ADAMTS9: variants seen among roughly 807,000 people sequenced by gnomAD.
ADAMTS9 encodes the protein A disintegrin and metalloproteinase with thrombospondin motifs 9.
Under a neutral mutation model 257.1 loss-of-function variants are expected in ADAMTS9, and 107 were observed. The ratio of observed to expected loss-of-function variants is 0.42; its 90% CI spans 0.36 to 0.49. The LOEUF (loss-of-function observed/expected upper bound fraction) is 0.49. Ranked by LOEUF, ADAMTS9 falls within the 20% of genes least tolerant of loss-of-function variation. The pLI is 0.03. For synonymous variants in ADAMTS9, 982 were observed against 880.9 expected (o/e 1.11, Z -2.03); for missense variants, 2,353 against 2,469.1 (o/e 0.95, Z 1.00).
At chr3:64,671,190 A>G (rs1332519437) in intron 3 of ADAMTS9, among the ~76,000 whole-genome samples, 1 of 152,218 alleles carries the variant, frequency 6.6e-6, no homozygotes, top group African/African-American at 2.4e-5. Flanking sequence ...AATACAGCTC[A>G]CCAATAAAAA....
intron 3 of ADAMTS9, among the ~76,000 whole-genome samples, chr3:64,674,137 T>C (rs1010816206): frequency 6.6e-6 from 1 of 152,046 alleles, no homozygotes; most frequent in African/African-American, 2.4e-5. Context: ...ATAAGTACCA[T>C]TCAGTAGATC....
Position 64,541,318 on chromosome 3 carries a change from A to C in ADAMTS9, c.5387+2T>G. ...GAGATCTTCTGAGCCTGGCTCTCCTACCTGTGCCCATAAACCTCGGAGAAA... is the reference window on the plus strand; with the variant it reads ...GAGATCTTCTGAGCCTGGCTCTCCTCCCTGTGCCCATAAACCTCGGAGAAA... On this transcript the variant is annotated splice_donor_variant, in intron 35 of 39. Coordinates refer to ENST00000498707, the MANE Select transcript of ADAMTS9 (RefSeq NM_182920.2). LOFTEE classifies it high-confidence loss of function. The C allele has an allele frequency of 6.2e-7, 1 of 1,614,106 alleles. No individual in the cohort carries two copies. The highest frequency in any genetic ancestry group is 8.5e-7 in the Non-Finnish European group (1 of 1,179,994).
At chr3:64,544,593 T>C (rs1489561826) in intron 32 of ADAMTS9, among the ~76,000 whole-genome samples, 5 of 152,156 alleles carry the variant, frequency 3.3e-5, no homozygotes, top group Non-Finnish European at 7.3e-5. Context: ...CCCTTCCTTA[T>C]ATCTGATACA....
chr3:64,626,591 A>T (rs1700227251), intron 16 of ADAMTS9, among the ~76,000 whole-genome samples: 1 of 152,174 alleles, frequency 6.6e-6, no homozygotes, highest in Non-Finnish European at 1.5e-5. Flanking sequence ...ATTGGGTACA[A>T]TGCTCATTAT....
chr3:64,549,390 T>A (rs1334935468), intron 31 of ADAMTS9, among the ~76,000 whole-genome samples: 1 of 152,186 alleles, frequency 6.6e-6, no homozygotes, highest in Non-Finnish European at 1.5e-5. Context: ...AAGATGTCAA[T>A]CTTGGCCAGG....
intron 22 of ADAMTS9, among the ~76,000 whole-genome samples, chr3:64,608,519 G>C (rs942198829): frequency 6.6e-6 from 1 of 151,974 alleles, no homozygotes; most frequent in Non-Finnish European, 1.5e-5. Flanking sequence ...CAATATATTA[G>C]AGAATCTAGA....
intron 30 of ADAMTS9, among the ~76,000 whole-genome samples, chr3:64,559,202 T>G (rs938263489): frequency 6.6e-6 from 1 of 152,180 alleles, no homozygotes; most frequent in African/African-American, 2.4e-5. Flanking sequence ...GCCCAGTTAC[T>G]GTCGTCCTTC....
At chr3:64,624,720 C>A (rs1471432671) in intron 16 of ADAMTS9, among the ~76,000 whole-genome samples, 1 of 152,010 alleles carries the variant, frequency 6.6e-6, no homozygotes, top group African/African-American at 2.4e-5. Flanking sequence ...TTATCAATTG[C>A]CTTATTCTTT....
chr3:64,576,834 G>C (rs1232329812), intron 28 of ADAMTS9, among the ~76,000 whole-genome samples: 1 of 152,174 alleles, frequency 6.6e-6, no homozygotes, highest in African/African-American at 2.4e-5. Context: ...GAAGGCTGCT[G>C]TCAATATGAG....
At chr3:64,518,087 T>C (rs1231048387) in intron 39 of ADAMTS9, among the ~76,000 whole-genome samples, 1 of 152,234 alleles carries the variant, frequency 6.6e-6, no homozygotes, top group Non-Finnish European at 1.5e-5. Flanking sequence ...AAGAATGATG[T>C]AATCCTAGAG....
chr3:64,597,133 C>A, intron 26 of ADAMTS9, 142 bp from the exon 27 acceptor site: 1 of 1,087,018 alleles, frequency 9.2e-7, no homozygotes, highest in Non-Finnish European at 1.3e-6. Flanking sequence ...TCAGGAAAAC[C>A]CAAGAACTTC....
chr3:64,621,580 G>C (rs1311564102), intron 18 of ADAMTS9, among the ~76,000 whole-genome samples: 5 of 151,872 alleles, frequency 3.3e-5, no homozygotes. Flanking sequence ...TGGCTAACGT[G>C]GTGAAACCCG....
Position 64,541,854 on chromosome 3 carries a change from G to A in ADAMTS9, c.5181C>T (p.Cys1727=). The A allele has an allele frequency of 6.2e-7, 1 of 1,614,150 alleles. No individual in the cohort carries two copies. The highest frequency in any genetic ancestry group is 2.2e-5 in the East Asian group (1 of 44,864). The stretch of plus-strand genomic sequence containing the variant: ...CCAACTTACAGTTATAGACATTACG[G>A]CAGGTTTTTCGTTCTTCTGGCTTCA... ...TDLKPEERKT[C]RNVYNCELPQ... Residue 1727 remains cysteine (C), a synonymous_variant, in exon 33 of 40, where the codon TGC becomes TGT. Coordinates refer to ENST00000498707, the MANE Select transcript of ADAMTS9 (RefSeq NM_182920.2).
intron 33 of ADAMTS9, 86 bp downstream of exon 33, chr3:64,541,752 T>C: frequency 1.3e-6 from 2 of 1,581,908 alleles, no homozygotes; most frequent in Non-Finnish European, 1.7e-6. Context: ...AAAAATTCTA[T>C]ATTTCTAAAA....
chr3:64,561,500 T>C, intron 30 of ADAMTS9, 78 bp downstream of exon 30: 2 of 1,480,626 alleles, frequency 1.4e-6, no homozygotes, highest in Non-Finnish European at 1.8e-6. Context: ...TCTCTGGCTT[T>C]ATAGGGAACA....
intron 8 of ADAMTS9, 34 bp downstream of exon 8, chr3:64,654,319 C>G (rs1269045265): frequency 6.3e-7 from 1 of 1,595,390 alleles, no homozygotes; most frequent in African/African-American, 1.3e-5. Context: ...TTAGGTCACT[C>G]CAAATTAAAT....
chr3:64,664,786 A>G (rs765681993), intron 3 of ADAMTS9, among the ~76,000 whole-genome samples: 2 of 152,224 alleles, frequency 1.3e-5, no homozygotes, highest in Non-Finnish European at 2.9e-5. Flanking sequence ...GTGTATATAC[A>G]TAGCCGCAGA....
rs530342029 is a variant in ADAMTS9, at chr3:64,518,527, C to T, written c.*6-1406G>A. 4.6e-5 allele frequency among the ~76,000 whole-genome samples: 7 copies of T among 152,142 alleles called. No individual in the cohort carries two copies. The East Asian group carries it at 9.7e-4, about 21-fold the overall frequency. On this transcript the variant is annotated intron_variant, in intron 39 of 39. Transcript: ENST00000498707. ...ATAATGTACTCAGGTCAGGGATTGC[C>T]GAACTTTAACATGCATGACTCCTGT...
At chr3:64,639,103 C>T (rs1022669780) in intron 12 of ADAMTS9, among the ~76,000 whole-genome samples, 3 of 151,990 alleles carry the variant, frequency 2.0e-5, no homozygotes, top group African/African-American at 7.2e-5. Context: ...AGCTTTTAAA[C>T]TGAGATTTGG....
Sources: gnomAD v4.1 joint callset for allele counts (sites outside exome capture counted in the v4.1 genomes callset) on GRCh38, gnomAD v4.1.1 for gene constraint, MANE v1.5 for transcripts, NCBI Gene and HGNC (gene_info 2026-07-23, HGNC 2026-07-21) for gene names.